The following PDE8B variants were observed in gnomAD, a reference collection of about 807,000 sequenced individuals.
PDE8B encodes the protein high affinity cAMP-specific and IBMX-insensitive 3',5'-cyclic phosphodiesterase 8B.
A neutral mutation model predicts 101.3 loss-of-function variants in PDE8B; 26 were observed. The ratio of observed to expected loss-of-function variants is 0.26; its 90% CI spans 0.19 to 0.36. The LOEUF (loss-of-function observed/expected upper bound fraction) is 0.36, where lower values mean the gene tolerates loss of function less well. PDE8B is among the 10% of genes least tolerant of loss of function. The probability of loss-of-function intolerance (pLI) is 1.00; values close to 1 mark genes in which losing one functional copy is unlikely to be tolerated. For synonymous variants in PDE8B, 424 were observed against 429.3 expected (o/e 0.99, Z 0.15); for missense variants, 810 against 1,163.1 (o/e 0.70, Z 4.42).
chr5:77,254,558 A>G (rs1758720209), intron 1 of PDE8B, among the ~76,000 whole-genome samples: 2 of 152,122 alleles, frequency 1.3e-5, no homozygotes, highest in African/African-American at 4.8e-5. Flanking sequence ...CCTTTCTCAC[A>G]AAGGGGCTGA....
chr5:77,326,654 T>C lies in PDE8B; in HGVS notation c.590+925T>C, dbSNP rs1581057012. On this transcript the variant is annotated intron_variant, in intron 3 of 21. Transcript: ENST00000264917. ...TCATCTTTCTGCATAAACATATTTT[T>C]CTATTTAATAGTGTATATAAATATA... is the stretch of plus-strand genomic sequence containing the variant. 5.3e-5 allele frequency among the ~76,000 whole-genome samples: 8 copies of C among 152,292 alleles called. 2 individuals are homozygous for C. The South Asian group carries it at 1.7e-3, about 32-fold the overall frequency.
chr5:77,300,743 C>T (rs1270386935), intron 1 of PDE8B, among the ~76,000 whole-genome samples: 1 of 152,184 alleles, frequency 6.6e-6, no homozygotes, highest in Admixed American at 6.5e-5. Context: ...CTTTGCCGGT[C>T]TCAGGCTTCT....
At chr5:77,288,666 A>C (rs547834278) in intron 1 of PDE8B, among the ~76,000 whole-genome samples, 1 of 152,226 alleles carries the variant, frequency 6.6e-6, no homozygotes, top group East Asian at 1.9e-4. Flanking sequence ...ATCCTTTGTC[A>C]TTTGGGTATT....
the PDE8B span, among the ~76,000 whole-genome samples, chr5:77,161,052 A>C: frequency 6.6e-6 from 1 of 152,148 alleles, no homozygotes; most frequent in African/African-American, 2.4e-5. Context: ...GTTTATTATG[A>C]ATTTTTTCAA....
At chr5:77,345,783 G>A (rs1034936400) in intron 7 of PDE8B, among the ~76,000 whole-genome samples, 8 of 152,156 alleles carry the variant, frequency 5.3e-5, no homozygotes, top group Admixed American at 1.3e-4. Context: ...CTGTTGGTTT[G>A]CAGAGTGGCA....
chr5:77,322,806 A>G (rs992459522), intron 2 of PDE8B, among the ~76,000 whole-genome samples: 6 of 151,892 alleles, frequency 4.0e-5, no homozygotes, highest in African/African-American at 1.4e-4. Flanking sequence ...TTAATATTCT[A>G]TTTATTGTGT....
At chr5:77,394,604 C>A (rs1163791878) in intron 10 of PDE8B, among the ~76,000 whole-genome samples, 1 of 152,206 alleles carries the variant, frequency 6.6e-6, no homozygotes, top group East Asian at 1.9e-4. Flanking sequence ...GCTCAAAGGG[C>A]AGATTTGCAT....
intron 3 of PDE8B, among the ~76,000 whole-genome samples, chr5:77,326,434 T>C (rs76735589): frequency 1.6e-3 from 242 of 152,346 alleles, no homozygotes; most frequent in African/African-American, 5.5e-3. Context: ...TGGAATTTTC[T>C]TGAATGTTAG....
At chr5:77,181,058 C>A in the PDE8B span, among the ~76,000 whole-genome samples, 1 of 151,484 alleles carries the variant, frequency 6.6e-6, no homozygotes, top group Non-Finnish European at 1.5e-5. Context: ...ATGGGGCACC[C>A]ACCCCTACCC....
At chr5:77,109,414 A>C in the PDE8B span, among the ~76,000 whole-genome samples, 1 of 152,268 alleles carries the variant, frequency 6.6e-6, no homozygotes. Flanking sequence ...AATGTTCTAA[A>C]GTAAAATTCG....
rs575521474 is a variant in PDE8B at position 77,247,577 on chromosome 5, G to T, written c.339+36313G>T. ...CATCAATATCACTTTTATGCAGCAG[G>T]TACCACATGCCAGGCCTCGGGCTGG... On this transcript the variant is annotated intron_variant, in intron 1 of 21. Transcript: ENST00000264917. 4.6e-5 allele frequency among the ~76,000 whole-genome samples: 7 copies of T among 152,220 alleles called. 1 individual carries two copies. In the East Asian group the frequency reaches 7.7e-4, roughly 17 times the overall value.
intron 11 of PDE8B, 24 bp from the exon 12 acceptor site, chr5:77,404,696 C>T: frequency 7.4e-7 from 1 of 1,357,830 alleles, no homozygotes; most frequent in Non-Finnish European, 1.1e-6. Context: ...TAATCACCTT[C>T]CCTTTCTAAT....
intron 2 of PDE8B, among the ~76,000 whole-genome samples, chr5:77,324,011 T>C (rs1775581108): frequency 6.6e-6 from 1 of 152,112 alleles, no homozygotes; most frequent in African/African-American, 2.4e-5. Flanking sequence ...ATAGTAATGA[T>C]TGGACAATTT....
the PDE8B span, among the ~76,000 whole-genome samples, chr5:77,175,269 AG>A: frequency 1.4e-5 from 2 of 144,160 alleles, no homozygotes; most frequent in Non-Finnish European, 3.0e-5. Flanking sequence ...TTCTCCACAC[AG>A]GGACCAGAGG....
At chr5:77,367,105 A>G (rs1302828021) in intron 10 of PDE8B, among the ~76,000 whole-genome samples, 1 of 152,066 alleles carries the variant, frequency 6.6e-6, no homozygotes, top group Non-Finnish European at 1.5e-5. Context: ...GTGGACTGTT[A>G]TTTGTAAACT....
chr5:77,291,646 G>A (rs1448501395), intron 1 of PDE8B: 6 of 1,596,482 alleles, frequency 3.8e-6, no homozygotes. Context: ...ATTCCAACAA[G>A]TGGGGCTGAG....
chr5:77,118,175 G>A, the PDE8B span: 2 of 378,150 alleles, frequency 5.3e-6, no homozygotes, highest in Non-Finnish European at 9.4e-6. Context: ...TCAAACTGCT[G>A]ATCTAAAGTG....
intron 2 of PDE8B, among the ~76,000 whole-genome samples, chr5:77,324,260 T>C (rs1775641817): frequency 6.6e-6 from 1 of 152,200 alleles, no homozygotes; most frequent in African/African-American, 2.4e-5. Context: ...TAAAGCCCTC[T>C]TGCATTTCTC....
the PDE8B span, among the ~76,000 whole-genome samples, chr5:77,124,400 G>A: frequency 6.6e-6 from 1 of 151,928 alleles, no homozygotes; most frequent in Non-Finnish European, 1.5e-5. Context: ...GACCATCCTG[G>A]GCAATGTGAA....
Sources: allele counts gnomAD v4.1 joint callset (sites outside exome capture counted in the v4.1 genomes callset), GRCh38; gene constraint gnomAD v4.1.1; transcripts MANE v1.5; gene names NCBI Gene and HGNC (gene_info 2026-07-23, HGNC 2026-07-21).